TACR2: variants seen among roughly 807,000 people sequenced by gnomAD.
The protein encoded by TACR2 is tachykinin receptor 2.
In TACR2, 24 loss-of-function variants were observed where a neutral mutation model predicts 28.9. The observed-to-expected ratio is 0.83, with a 90% CI of 0.60 to 1.17. The LOEUF is 1.17. Among genes scored for constraint, TACR2 ranks in the 50% most tolerant of loss-of-function variants. TACR2 has a pLI of 0.00. For synonymous variants in TACR2, 222 were observed against 212.6 expected (o/e 1.04, Z -0.38); for missense variants, 487 against 524.4 (o/e 0.93, Z 0.70).
In TACR2 at chr10:69,416,170, C is replaced by A; in HGVS notation, c.154G>T (p.Ala52Ser). 1 of 1,614,212 alleles carries A rather than the reference C, an allele frequency of 6.2e-7. No individual in the cohort carries two copies. Among genetic ancestry groups the A allele is most frequent in the Non-Finnish European group, 8.5e-7 (1 of 1,180,040 alleles). The change falls in exon 1 of 5, where the codon GCC (alanine) becomes TCC (serine). Residue 52 changes from alanine (A) to serine (S), a missense_variant. By Grantham distance (99) the Ala-to-Ser change is moderately conservative. Transcript: ENST00000373306. ...GCCAGGATGATCCAGATGACGATGG[C>A]ATTACCCGTCACGGCCACCAGCACC... ...ALVLVAVTGN[A>S]IVIWIILAHR... is the part of the protein sequence containing the mutation.
Position 69,409,890 on chromosome 10 carries a change from C to CATAT in TACR2, c.588-819_588-816dup, listed in dbSNP as rs1390944288. The stretch of plus-strand genomic sequence containing the variant: ...GTATATATATATATATACATATATA[C>CATAT]ATATATATATATACATATATATATA... On this transcript the variant is annotated intron_variant, in intron 2 of 4. Transcript: ENST00000373306. Among the ~76,000 whole-genome samples, 92 of 35,248 alleles carry CATAT rather than the reference C, an allele frequency of 2.6e-3. 5 individuals carry two copies. Among genetic ancestry groups the CATAT allele is most frequent in the East Asian group, 0.021 (25 of 1,184 alleles). 23.1% of individuals were successfully genotyped at this position (35,248 alleles called of 152,430 possible).
rs1135420 is a variant in TACR2, at chr10:69,408,940, G to T, written c.723C>A (p.His241Gln). ...CGCCCACCTTCTTCATGGCCTGCAG[G>T]TGGCGCAGGTTGGCACCGTGCGCCT... ...GHQAHGANLR[H>Q]LQAMKKFVKT... The change falls in exon 3 of 5, where the codon CAC (histidine) becomes CAA (glutamine). Residue 241 changes from histidine to glutamine, a missense_variant. Transcript: ENST00000373306. 3.3e-4 allele frequency: 508 copies of T among 1,517,774 alleles called. 1 individual carries two copies. In the African/African-American group the frequency reaches 6.5e-3, roughly 20 times the overall value. The allele number at this position is 1,517,774 out of a possible 1,614,324, so 94.0% of individuals were successfully genotyped here. A position where few individuals can be genotyped will look rare whatever the true frequency, so the allele number is the denominator to read the frequency against.
intron 3 of TACR2, 51 bp from the exon 4 acceptor site, chr10:69,407,331 A>G (rs1325375260): frequency 1.3e-6 from 2 of 1,550,300 alleles, no homozygotes; most frequent in Admixed American, 4.0e-5. Flanking sequence ...CCCCAGCCCC[A>G]GCCCTCCGAG....
Position 69,416,213 on chromosome 10 carries a change from G to A in TACR2, c.111C>T (p.Ala37=). 6.2e-7 allele frequency: 1 copy of A among 1,614,166 alleles called. No homozygotes were observed. Among genetic ancestry groups the A allele is most frequent in the Non-Finnish European group, 8.5e-7 (1 of 1,180,030 alleles). The change falls in exon 1 of 5, where the codon GCC becomes GCT. Residue 37 remains alanine (A), a synonymous_variant. Transcript: ENST00000373306. The part of the protein sequence containing the change: ...SMPSWQLALW[A]TAYLALVLVA... Reference sequence around the variant, plus strand: ...CCAGCACCAGGGCCAGGTAGGCTGTGGCCCACAGTGCCAGTTGCCAGCTGG... The same window carrying A: ...CCAGCACCAGGGCCAGGTAGGCTGTAGCCCACAGTGCCAGTTGCCAGCTGG...
At position 69,404,126 on chromosome 10, in the gene TACR2, A is replaced by G. The variant is rs11815413; in HGVS notation, c.*700T>C. On this transcript the variant is annotated 3_prime_UTR_variant, in exon 5 of 5. Coordinates refer to ENST00000373306, the MANE Select transcript of TACR2 (RefSeq NM_001057.3). ...TCATCACATTTGCAGTTTTTCTTTT[A>G]TACATATTCTTGTATGCCCCAGGAA... is the stretch of plus-strand genomic sequence containing the variant. 8,788 of 152,242 alleles carry G rather than the reference A, an allele frequency of 0.058. 763 individuals are homozygous for G. The highest frequency in any genetic ancestry group is 0.19 in the African/African-American group (7,780 of 41,494). 9.4% of individuals were successfully genotyped at this position (152,242 alleles called of 1,614,324 possible). A position where few individuals can be genotyped will look rare whatever the true frequency, so the allele number is the denominator to read the frequency against.
At position 69,404,661 on chromosome 10, in the gene TACR2, G is replaced by A. The variant is rs1383494919; in HGVS notation, c.*165C>T. On this transcript the variant is annotated 3_prime_UTR_variant, in exon 5 of 5. Transcript: ENST00000373306. ...GAGGAAGCAAGACAGGGAAACTGAG[G>A]ACACCACACTCTTTCTAACAACTTG... 4 of 448,274 alleles carry A rather than the reference G, an allele frequency of 8.9e-6. No individual in the cohort carries two copies. Among genetic ancestry groups the A allele is most frequent in the Non-Finnish European group, 1.6e-5 (4 of 255,300 alleles). The allele number at this position is 448,274 out of a possible 1,614,324, so 27.8% of individuals were successfully genotyped here. A position where few individuals can be genotyped will look rare whatever the true frequency, so the allele number is the denominator to read the frequency against.
Position 69,409,011 on chromosome 10 carries a change from T to G in TACR2, c.652A>C (p.Ser218Arg). The G allele has an allele frequency of 6.2e-7, 1 of 1,608,070 alleles. No homozygotes were observed. Among genetic ancestry groups the G allele is most frequent in the Non-Finnish European group, 8.5e-7 (1 of 1,178,542 alleles). The change falls in exon 3 of 5, where the codon AGC becomes CGC. Residue 218 changes from serine to arginine, a missense_variant. Coordinates refer to ENST00000373306, the MANE Select transcript of TACR2 (RefSeq NM_001057.3). The part of the protein sequence containing the change: ...LPLAVMFVAY[S>R]VIGLTLWRRA... Reference sequence around the variant, plus strand: ...CTCCAGAGCGTGAGGCCGATGACGCTGTAGGCTACAAACATCACCGCGAGC... The same window carrying G: ...CTCCAGAGCGTGAGGCCGATGACGCGGTAGGCTACAAACATCACCGCGAGC...
rs774971144 is a variant in TACR2, at chr10:69,410,518, C to CAAA, written c.588-1446_588-1444dup. On this transcript the variant is annotated intron_variant, in intron 2 of 4. Coordinates refer to ENST00000373306, the MANE Select transcript of TACR2 (RefSeq NM_001057.3). ...CCTGGGCGATAGAGTGAGACCCTGT[C>CAAA]AAAAAAAAAAAACAAAAAAACGACA... Among the ~76,000 whole-genome samples the CAAA allele has an allele frequency of 2.6e-4, 23 of 89,036 alleles. 2 individuals carry two copies. Among genetic ancestry groups the CAAA allele is most frequent in the Non-Finnish European group, 4.0e-4 (19 of 47,246 alleles). The allele number at this position is 89,036 out of a possible 152,430, so 58.4% of individuals were successfully genotyped here.
At chr10:69,412,957 A>G (rs1035157083) in intron 2 of TACR2, among the ~76,000 whole-genome samples, 1 of 152,020 alleles carries the variant, frequency 6.6e-6, no homozygotes, top group Non-Finnish European at 1.5e-5. Flanking sequence ...CAGCCTCCCA[A>G]GTAGCTGGGA....
chr10:69,406,095 T>A (rs1840499733), intron 4 of TACR2, among the ~76,000 whole-genome samples: 1 of 152,228 alleles, frequency 6.6e-6, no homozygotes, highest in Non-Finnish European at 1.5e-5. Flanking sequence ...CCTTTTGGCC[T>A]GCCCCAGGCG....
chr10:69,408,457 T>A (rs1296726381), intron 3 of TACR2, among the ~76,000 whole-genome samples: 1 of 150,758 alleles, frequency 6.6e-6, no homozygotes, highest in Non-Finnish European at 1.5e-5. Flanking sequence ...GAAGTTAATT[T>A]TTTTTTGTCT....
chr10:69,414,731 T>C lies in TACR2; in HGVS notation c.587+214A>G, dbSNP rs144490457. Among the ~76,000 whole-genome samples, 216 of 152,290 alleles carry C rather than the reference T, an allele frequency of 1.4e-3. 1 individual carries two copies. The highest frequency in any genetic ancestry group is 5.0e-3 in the African/African-American group (207 of 41,548). ...TAGGAGAATTAAATGGGTCAATATA[T>C]GTAAAGTGTGAAAAACAGATCGGCT... On this transcript the variant is annotated intron_variant, in intron 2 of 4. Transcript: ENST00000373306.
intron 2 of TACR2, among the ~76,000 whole-genome samples, chr10:69,413,246 A>G (rs7101100): frequency 0.016 from 2,471 of 152,284 alleles, 71 homozygotes; most frequent in African/African-American, 0.056. Flanking sequence ...AAGAAAAACA[A>G]TAACACATTC....
intron 2 of TACR2, among the ~76,000 whole-genome samples, chr10:69,412,109 C>T (rs186957527): frequency 5.4e-4 from 82 of 152,306 alleles, no homozygotes; most frequent in Non-Finnish European, 9.6e-4. Flanking sequence ...CGTGAGCCAC[C>T]GCGCCTGGCC....
intron 4 of TACR2, among the ~76,000 whole-genome samples, 200 bp downstream of exon 4, chr10:69,406,884 G>A (rs1840506394): frequency 6.6e-6 from 1 of 152,204 alleles, no homozygotes; most frequent in Non-Finnish European, 1.5e-5. Context: ...GGGAGGAAGG[G>A]GGCTCAAGCT....
Position 69,416,500 on chromosome 10 carries a change from C to G in TACR2, c.-177G>C. On this transcript the variant is annotated 5_prime_UTR_variant, in exon 1 of 5. Coordinates refer to ENST00000373306, the MANE Select transcript of TACR2 (RefSeq NM_001057.3). ...CTCCTAGGTCTCAGGCAAAGATGAG[C>G]TGGGCTGAGCACAAAGCCCAGTCCA... 7 of 760,066 alleles carry G rather than the reference C, an allele frequency of 9.2e-6. No homozygotes were observed. Among genetic ancestry groups the G allele is most frequent in the Non-Finnish European group, 1.2e-5 (6 of 491,828 alleles). The allele number at this position is 760,066 out of a possible 1,614,324, so 47.1% of individuals were successfully genotyped here.
chr10:69,409,860 T>C (rs10823363), intron 2 of TACR2, among the ~76,000 whole-genome samples: 48,132 of 116,220 alleles, frequency 0.41, 9,163 homozygotes, highest in South Asian at 0.55. Context: ...TATGTATATG[T>C]ATATGTATAT....
At chr10:69,415,168 G>A (rs752971766) in intron 1 of TACR2, 29 bp from the exon 2 acceptor site, 1 of 1,593,852 alleles carries the variant, frequency 6.3e-7, no homozygotes, top group East Asian at 2.2e-5. Context: ...TTGAGCGGCA[G>A]GGGCCCTCCT....
rs781311448 is a variant in TACR2, at chr10:69,415,950, G to A, written c.374C>T (p.Thr125Ile). ...TAMFVSIYSM[T>I]AIAADRYMAI... ...CTCTTGCCTGTCGGCAGCAATGGCG[G>A]TCATGGAGTAGATGCTGACAAACAT... Residue 125 changes from threonine to isoleucine, a missense_variant, in exon 1 of 5, where the codon ACC becomes ATC. Thr to Ile is a moderately conservative substitution (Grantham distance 89). Transcript: ENST00000373306. 4 of 1,613,848 alleles carry A rather than the reference G, an allele frequency of 2.5e-6. No individual in the cohort carries two copies. Among genetic ancestry groups the A allele is most frequent in the Admixed American group, 1.7e-5 (1 of 60,030 alleles).
Sources: gnomAD v4.1 joint callset for allele counts (sites outside exome capture counted in the v4.1 genomes callset) on GRCh38, gnomAD v4.1.1 for gene constraint, MANE v1.5 for transcripts, NCBI Gene and HGNC (gene_info 2026-07-23, HGNC 2026-07-21) for gene names.